Variants in MARCHF1 observed in about 807,000 individuals in gnomAD.
MARCHF1 encodes membrane associated ring-CH-type finger 1, also known as E3 ubiquitin-protein ligase MARCHF1.
Under a neutral mutation model 54.2 loss-of-function variants are expected in MARCHF1, and 40 were observed. The ratio of observed to expected loss-of-function variants is 0.74; its 90% CI spans 0.57 to 0.96. The LOEUF is 0.96. Ranked by LOEUF, MARCHF1 falls within the 40% of genes least tolerant of loss-of-function variation. The pLI is 0.00. For synonymous variants in MARCHF1, 236 were observed against 236.3 expected (o/e 1.00, Z 0.01); for missense variants, 586 against 656.5 (o/e 0.89, Z 1.17).
Position 163,585,887 on chromosome 4 carries a change from T to G in MARCHF1, c.1053A>C (p.Thr351=), listed in dbSNP as rs1579086533. The G allele has an allele frequency of 6.2e-7, 1 of 1,613,296 alleles. No individual in the cohort carries two copies. Among genetic ancestry groups the G allele is most frequent in the South Asian group, 1.1e-5 (1 of 91,000 alleles). The change falls in exon 8 of 10, where the codon ACA becomes ACC. Residue 351 remains threonine, a synonymous_variant. Coordinates refer to ENST00000514618, the MANE Select transcript of MARCHF1 (RefSeq NM_001394959.1). The part of the protein sequence containing the change: ...CEGDEESPLI[T]PCRCTGTLRF... Reference sequence around the variant, plus strand: ...GCAGTGTCCCAGTGCAGCGACAGGGTGTGATGAGGGGGCTCTCTTCATCCC... The same window carrying G: ...GCAGTGTCCCAGTGCAGCGACAGGGGGTGATGAGGGGGCTCTCTTCATCCC...
At chr4:163,630,679 T>C (rs1405390120) in intron 5 of MARCHF1, among the ~76,000 whole-genome samples, 1 of 152,140 alleles carries the variant, frequency 6.6e-6, no homozygotes, top group South Asian at 2.1e-4. Context: ...CCGGAAGCTA[T>C]AGAAGCAAAG....
Position 164,217,139 on chromosome 4 carries a change from C to G in MARCHF1, c.-322-105477G>C, listed in dbSNP as rs879916892. ...GCTGCTTGCCAATGATTTTATCCTGCTGTTGAACATGATGCAGCTCTCTTG... is the reference window on the plus strand; with the variant it reads ...GCTGCTTGCCAATGATTTTATCCTGGTGTTGAACATGATGCAGCTCTCTTG... On this transcript the variant is annotated intron_variant, in intron 1 of 9. Coordinates refer to ENST00000514618, the MANE Select transcript of MARCHF1 (RefSeq NM_001394959.1). Among the ~76,000 whole-genome samples, 4 of 152,250 alleles carry G rather than the reference C, an allele frequency of 2.6e-5. No individual in the cohort carries two copies. The South Asian group carries it at 8.3e-4, about 32-fold the overall frequency.
chr4:164,100,282 G>C (rs1281843857), intron 2 of MARCHF1, among the ~76,000 whole-genome samples: 10 of 152,208 alleles, frequency 6.6e-5, no homozygotes, highest in Admixed American at 6.5e-4. Context: ...AATTACAATA[G>C]AGGATCAATC....
In MARCHF1 at chr4:164,016,626, G is replaced by T. The variant is rs566929476; in HGVS notation, c.-247-27917C>A. On this transcript the variant is annotated intron_variant, in intron 2 of 9. Transcript: ENST00000514618. ...AAAGAAAAATAACTCATGGAGATAA[G>T]GAGTACAATGATGGTAACTAGAGGC... is the stretch of plus-strand genomic sequence containing the variant. Among the ~76,000 whole-genome samples, 3 of 152,230 alleles carry T rather than the reference G, an allele frequency of 2.0e-5. No individual in the cohort carries two copies. The East Asian group carries it at 5.8e-4, about 29-fold the overall frequency.
At chr4:164,244,040 CA>C (rs1166791812) in intron 1 of MARCHF1, among the ~76,000 whole-genome samples, 1 of 152,064 alleles carries the variant, frequency 6.6e-6, no homozygotes, top group Admixed American at 6.6e-5. Context: ...CAACATTAGA[CA>C]GATCAACGAG....
chr4:164,371,826 T>A (rs1731045512), intron 1 of MARCHF1, among the ~76,000 whole-genome samples: 1 of 152,220 alleles, frequency 6.6e-6, no homozygotes, highest in South Asian at 2.1e-4. Flanking sequence ...ACTACAACAT[T>A]TTCACAATTT....
At chr4:163,902,423 C>T (rs1349368207) in intron 3 of MARCHF1, among the ~76,000 whole-genome samples, 1 of 152,102 alleles carries the variant, frequency 6.6e-6, no homozygotes, top group African/African-American at 2.4e-5. Flanking sequence ...ATTAATACGG[C>T]GAATGGATCA....
intron 1 of MARCHF1, among the ~76,000 whole-genome samples, chr4:164,296,809 A>G (rs2111382534): frequency 6.6e-6 from 1 of 152,318 alleles, no homozygotes; most frequent in African/African-American, 2.4e-5. Flanking sequence ...ACTTATGTTC[A>G]TGGCCCAAAC....
intron 9 of MARCHF1, among the ~76,000 whole-genome samples, chr4:163,537,901 A>C (rs145132438): frequency 6.6e-6 from 1 of 152,318 alleles, no homozygotes; most frequent in African/African-American, 2.4e-5. Context: ...TTACAGTCAC[A>C]TATATGTGAT....
At chr4:164,315,597 ATT>A (rs1734975351) in intron 1 of MARCHF1, among the ~76,000 whole-genome samples, 2 of 152,198 alleles carry the variant, frequency 1.3e-5, no homozygotes, top group African/African-American at 4.8e-5. Context: ...TTAATAGTCC[ATT>A]TTATGAATGA....
chr4:163,650,057 AAT>A (rs1380894298), intron 5 of MARCHF1, among the ~76,000 whole-genome samples: 1 of 151,960 alleles, frequency 6.6e-6, no homozygotes, highest in African/African-American at 2.4e-5. Context: ...TGTTAAAGTT[AAT>A]ATGTTACAGT....
At chr4:164,306,906 C>T (rs946261795) in intron 1 of MARCHF1, among the ~76,000 whole-genome samples, 1 of 152,172 alleles carries the variant, frequency 6.6e-6, no homozygotes, top group Non-Finnish European at 1.5e-5. Flanking sequence ...TTACATATTT[C>T]ATTTTAAATG....
At chr4:164,372,936 G>C (rs907379386) in intron 1 of MARCHF1, among the ~76,000 whole-genome samples, 60 of 152,076 alleles carry the variant, frequency 3.9e-4, no homozygotes, top group African/African-American at 1.3e-3. Flanking sequence ...AGTTTCTCAA[G>C]CAAATAAATC....
At chr4:163,558,632 C>T (rs1038995073) in intron 8 of MARCHF1, among the ~76,000 whole-genome samples, 1 of 152,188 alleles carries the variant, frequency 6.6e-6, no homozygotes, top group African/African-American at 2.4e-5. Flanking sequence ...CAGGCACTTG[C>T]AGAGAGCACA....
At chr4:163,894,635 TATATATGC>T (rs1750741909) in intron 3 of MARCHF1, among the ~76,000 whole-genome samples, 11 of 122,012 alleles carry the variant, frequency 9.0e-5, no homozygotes, top group African/African-American at 2.3e-4. Context: ...GATGCATATA[TATATATGC>T]ATGTGATGCA....
At chr4:163,633,623 G>C (rs1384418508) in intron 5 of MARCHF1, among the ~76,000 whole-genome samples, 1 of 152,172 alleles carries the variant, frequency 6.6e-6, no homozygotes, top group African/African-American at 2.4e-5. Flanking sequence ...CGTCTGATTG[G>C]TATACCTGAA....
chr4:164,141,920 T>C (rs1756547287), intron 1 of MARCHF1, among the ~76,000 whole-genome samples: 1 of 135,222 alleles, frequency 7.4e-6, no homozygotes. Flanking sequence ...CGGGTTCATC[T>C]CACTAGGGAG....
chr4:164,022,228 CT>C (rs1273882459), intron 2 of MARCHF1, among the ~76,000 whole-genome samples: 2 of 152,194 alleles, frequency 1.3e-5, no homozygotes, highest in African/African-American at 2.4e-5. Flanking sequence ...ACATAAGCTA[CT>C]AGCCAAGTGT....
chr4:164,017,002 A>G (rs1309774565), intron 2 of MARCHF1, among the ~76,000 whole-genome samples: 1 of 152,092 alleles, frequency 6.6e-6, no homozygotes, highest in Non-Finnish European at 1.5e-5. Context: ...AGTCCAAAAT[A>G]TTTCAAATAA....
Sources: allele counts gnomAD v4.1 joint callset (sites outside exome capture counted in the v4.1 genomes callset), GRCh38; gene constraint gnomAD v4.1.1; transcripts MANE v1.5; gene names NCBI Gene and HGNC (gene_info 2026-07-23, HGNC 2026-07-21).